Variants in PIKFYVE observed in about 807,000 individuals in gnomAD.
PIKFYVE encodes phosphoinositide kinase, FYVE-type zinc finger containing.
Under a neutral mutation model 257.9 loss-of-function variants are expected in PIKFYVE, and 122 were observed. That is an observed-to-expected ratio of 0.47 (90% confidence interval 0.41 to 0.55). The LOEUF (loss-of-function observed/expected upper bound fraction) is 0.55. Ranked by LOEUF, PIKFYVE falls within the 20% of genes least tolerant of loss-of-function variation. PIKFYVE has a pLI of 0.00. For synonymous variants in PIKFYVE, 892 were observed against 868.9 expected, an observed-to-expected ratio of 1.03 and a Z score of -0.47; for missense variants, 2,160 against 2,536.6, an observed-to-expected ratio of 0.85 and a Z score of 3.19.
intron 38 of PIKFYVE, among the ~76,000 whole-genome samples, chr2:208,352,017 G>A (rs1699819174): frequency 6.6e-6 from 1 of 152,054 alleles, no homozygotes; most frequent in South Asian, 2.1e-4. Context: ...TGCTATTGAG[G>A]TATTATAGGA....
In PIKFYVE at chr2:208,346,131, A is replaced by T; in HGVS notation, c.5193A>T (p.Glu1731Asp). The T allele has an allele frequency of 1.2e-6, 2 of 1,610,228 alleles. No individual in the cohort carries two copies. Among genetic ancestry groups the T allele is most frequent in the Non-Finnish European group, 1.7e-6 (2 of 1,176,600 alleles). The change falls in exon 34 of 42, where the codon GAA becomes GAT. Residue 1731 changes from glutamate to aspartate, a missense_variant. Around this residue, in one of 12 missense-constraint regions of PIKFYVE, gnomAD observed 699 missense variants for 855.8 expected, o/e 0.82. Coordinates refer to ENST00000264380, the MANE Select transcript of PIKFYVE (RefSeq NM_015040.4). ...GAGGACAGACAAATCGTACAACAGAAACAGAACCACAACCAAGTAAGATTA... is the reference window on the plus strand; with the variant it reads ...GAGGACAGACAAATCGTACAACAGATACAGAACCACAACCAAGTAAGATTA... ...MSGGQTNRTT[E>D]TEPQPTKKAS...
intron 35 of PIKFYVE, among the ~76,000 whole-genome samples, chr2:208,348,599 AGTGTGTGTGTGTGTGTGTGTGTGT>A (rs35997291): frequency 7.0e-5 from 9 of 128,986 alleles, no homozygotes; most frequent in Non-Finnish European, 1.1e-4. Flanking sequence ...AAAAAAAAAA[AGTGTGTGTGTGTGTGTGTGTGTGT>A]GTGTGTGTGT....
At chr2:208,293,619 G>A (rs750299678) in intron 7 of PIKFYVE, among the ~76,000 whole-genome samples, 7 of 150,878 alleles carry the variant, frequency 4.6e-5, no homozygotes, top group Non-Finnish European at 7.4e-5. Context: ...TTTTGCTTGC[G>A]TGGCTTCTGA....
At chr2:208,327,433 C>T (rs915286343) in intron 20 of PIKFYVE, among the ~76,000 whole-genome samples, 5 of 152,072 alleles carry the variant, frequency 3.3e-5, no homozygotes, top group African/African-American at 1.2e-4. Context: ...TTTATTGAAA[C>T]AGTTTAAGGA....
chr2:208,305,169 C>G, intron 12 of PIKFYVE, 156 bp downstream of exon 12: 1 of 1,526,986 alleles, frequency 6.5e-7, no homozygotes, highest in Non-Finnish European at 8.8e-7. Context: ...CCCACACCTC[C>G]TCCCCATACC....
At chr2:208,274,394 T>G (rs1559387360) in intron 3 of PIKFYVE, among the ~76,000 whole-genome samples, 1 of 152,186 alleles carries the variant, frequency 6.6e-6, no homozygotes, top group Non-Finnish European at 1.5e-5. Context: ...TTGGAGTGGT[T>G]TGCCTAAGTC....
At chr2:208,273,491 A>G (rs967660366) in intron 2 of PIKFYVE, 93 bp from the exon 3 acceptor site, 50 of 1,462,182 alleles carry the variant, frequency 3.4e-5, no homozygotes, top group Non-Finnish European at 4.7e-5. Flanking sequence ...CATATAATAC[A>G]TGCATACATT....
chr2:208,324,141 G>A lies in PIKFYVE; in HGVS notation c.2191-1G>A. Reference sequence around the variant, plus strand: ...TAATATTTCTGATTTATCTTACTTAGGAAAGGGAATTCTTGAAGAATTATG... The same window carrying A: ...TAATATTTCTGATTTATCTTACTTAAGAAAGGGAATTCTTGAAGAATTATG... On this transcript the variant is annotated splice_acceptor_variant, in intron 17 of 41. Transcript: ENST00000264380. LOFTEE classifies it high-confidence loss of function. 1 of 1,612,984 alleles carries A rather than the reference G, an allele frequency of 6.2e-7. No individual in the cohort carries two copies. Among genetic ancestry groups the A allele is most frequent in the Non-Finnish European group, 8.5e-7 (1 of 1,179,048 alleles).
rs762521322 is a variant in PIKFYVE at position 208,320,257 on chromosome 2, T to C, written c.2088T>C (p.Ser696=). 8.1e-6 allele frequency: 13 copies of C among 1,610,870 alleles called. No homozygotes were observed. In the South Asian group the frequency reaches 1.4e-4, roughly 18 times the overall value. The part of the protein sequence containing the change: ...CTKNIAHKKM[S]SCIKNPKILL... The stretch of plus-strand genomic sequence containing the variant: ...AAACTGTTCATTTTTTGTAGATGAG[T>C]TCTTGTATTAAAAACCCCAAAATTC... Residue 696 remains serine (S), a synonymous_variant, in exon 17 of 42, where the codon AGT becomes AGC. Coordinates refer to ENST00000264380, the MANE Select transcript of PIKFYVE (RefSeq NM_015040.4).
chr2:208,317,695 G>T lies in PIKFYVE; in HGVS notation c.2008-172G>T, dbSNP rs1163296845. Among the ~76,000 whole-genome samples, 4 of 152,260 alleles carry T rather than the reference G, an allele frequency of 2.6e-5. No individual in the cohort carries two copies. In the East Asian group the frequency reaches 7.7e-4, roughly 29 times the overall value. ...ACAGGGGATGGGAAAACAGAGTCATGCAGAGATGCCATTGATCGTTGGTTG... is the reference window on the plus strand; with the variant it reads ...ACAGGGGATGGGAAAACAGAGTCATTCAGAGATGCCATTGATCGTTGGTTG... On this transcript the variant is annotated intron_variant, in intron 15 of 41. Transcript: ENST00000264380.
At chr2:208,273,866 AG>A (rs1689749201) in intron 3 of PIKFYVE, 133 bp downstream of exon 3, 1 of 1,362,496 alleles carries the variant, frequency 7.3e-7, no homozygotes, top group African/African-American at 1.6e-5. Context: ...TGAAATAGTC[AG>A]GTACTGTTTA....
At chr2:208,335,488 A>G (rs1279148185) in intron 25 of PIKFYVE, 69 bp downstream of exon 25, 2 of 1,258,546 alleles carry the variant, frequency 1.6e-6, no homozygotes, top group Non-Finnish European at 2.3e-6. Flanking sequence ...AGATTTATTC[A>G]TTTTATTTTC....
rs1207562442 is a variant in PIKFYVE, at chr2:208,317,860, C to T, written c.2008-7C>T. On this transcript the variant is annotated splice_region_variant and splice_polypyrimidine_tract_variant and intron_variant, in intron 15 of 41. Coordinates refer to ENST00000264380, the MANE Select transcript of PIKFYVE (RefSeq NM_015040.4). ...GAATTTTATTGTTTTCTTAATTGTT[C>T]CATTAGATCCCAGGTGGAAAGAAGT... The T allele has an allele frequency of 6.2e-7, 1 of 1,606,930 alleles. No individual in the cohort carries two copies. The highest frequency in any genetic ancestry group is 1.7e-5 in the Admixed American group (1 of 59,998).
At position 208,315,422 on chromosome 2, in the gene PIKFYVE, C is replaced by G. The variant is rs903531776; in HGVS notation, c.2007+49C>G. On this transcript the variant is annotated intron_variant, in intron 15 of 41. Coordinates refer to ENST00000264380, the MANE Select transcript of PIKFYVE (RefSeq NM_015040.4). The stretch of plus-strand genomic sequence containing the variant: ...AATGCTAGGAACTGATGAGGCAGGA[C>G]TGATTGTAATTTTTGTCTTAATGGT... 5 of 1,599,142 alleles carry G rather than the reference C, an allele frequency of 3.1e-6. No individual in the cohort carries two copies. The African/African-American group carries it at 6.7e-5, about 21-fold the overall frequency.
In PIKFYVE at chr2:208,312,225, C is replaced by G; in HGVS notation, c.1637-11C>G. 8 of 1,604,522 alleles carry G rather than the reference C, an allele frequency of 5.0e-6. No homozygotes were observed. Among genetic ancestry groups the G allele is most frequent in the African/African-American group, 1.3e-5 (1 of 74,790 alleles). Reference sequence around the variant, plus strand: ...TTTGTTCCTCCTCTCTGTTGTCTCCCTGGTATGCAGAGTATTTGATTTCTG... The same window carrying G: ...TTTGTTCCTCCTCTCTGTTGTCTCCGTGGTATGCAGAGTATTTGATTTCTG... On this transcript the variant is annotated splice_polypyrimidine_tract_variant and intron_variant, in intron 12 of 41. Transcript: ENST00000264380.
At chr2:208,332,153 A>ACTC (rs1697615879) in intron 23 of PIKFYVE, among the ~76,000 whole-genome samples, 1 of 152,204 alleles carries the variant, frequency 6.6e-6, no homozygotes, top group Admixed American at 6.5e-5. Flanking sequence ...ATAATAGAAA[A>ACTC]ATGGGCAGAG....
intron 38 of PIKFYVE, 108 bp from the exon 39 acceptor site, chr2:208,352,546 T>C: frequency 3.8e-6 from 5 of 1,323,770 alleles, no homozygotes; most frequent in Non-Finnish European, 5.2e-6. Flanking sequence ...CCTTTGGTCA[T>C]ATTAATAGAA....
In PIKFYVE at chr2:208,288,724, T is replaced by C; in HGVS notation, c.822-5T>C. On this transcript the variant is annotated splice_region_variant and splice_polypyrimidine_tract_variant and intron_variant, in intron 6 of 41. Transcript: ENST00000264380. ...TATTTCAGTATTTTCCTATTTTCTTTATAGTTTGATTCATCCAGATTCCTC... is the reference window on the plus strand; with the variant it reads ...TATTTCAGTATTTTCCTATTTTCTTCATAGTTTGATTCATCCAGATTCCTC... The C allele has an allele frequency of 6.2e-7, 1 of 1,613,900 alleles. No individual in the cohort carries two copies. The highest frequency in any genetic ancestry group is 8.5e-7 in the Non-Finnish European group (1 of 1,179,918).
chr2:208,323,563 A>G (rs958276116), intron 17 of PIKFYVE, among the ~76,000 whole-genome samples: 4 of 152,258 alleles, frequency 2.6e-5, no homozygotes, highest in African/African-American at 4.8e-5. Context: ...TAGTGCCGCA[A>G]TAAACATACT....
Sources: gnomAD v4.1 joint callset for allele counts (sites outside exome capture counted in the v4.1 genomes callset) on GRCh38, gnomAD v4.1.1 for gene constraint, gnomAD v4.1.1 regional missense constraint, MANE v1.5 for transcripts, NCBI Gene and HGNC (gene_info 2026-07-23, HGNC 2026-07-21) for gene names.